WDR93: variants seen among roughly 807,000 people sequenced by gnomAD.
The protein encoded by WDR93 is WD repeat-containing protein 93.
WDR93 carries 73 observed loss-of-function variants against 82.9 expected under a neutral mutation model. The observed-to-expected ratio is 0.88, with a 90% CI of 0.73 to 1.07. The LOEUF is 1.07. Among genes scored for constraint, WDR93 ranks in the 50% least tolerant of loss-of-function variants. The pLI is 0.00. For missense variants in WDR93, 738 were observed against 826.0 expected, an observed-to-expected ratio of 0.89 and a Z score of 1.31; for synonymous variants, 283 against 300.1, an observed-to-expected ratio of 0.94 and a Z score of 0.59.
chr15:89,726,734 A>G (rs1183415523), intron 8 of WDR93, among the ~76,000 whole-genome samples: 2 of 152,158 alleles, frequency 1.3e-5, no homozygotes, highest in Non-Finnish European at 2.9e-5. Context: ...GAGACTGCCT[A>G]ATTATGTGAG....
chr15:89,698,861 C>A (rs1965314551), intron 1 of WDR93, among the ~76,000 whole-genome samples: 2 of 151,754 alleles, frequency 1.3e-5, no homozygotes. Context: ...ATGTAAATTT[C>A]TATTTCCACC....
In WDR93 at chr15:89,722,059, C is replaced by A; in HGVS notation, c.800C>A (p.Ala267Glu). ...TATGCCTTTTCCTTGTTTTAGGATG[C>A]AAATGTTAGTTTTAAAGGAGACATT... Reference protein sequence around the residue: ...PISADPLEMDANVSFKGDIKL... With the variant: ...PISADPLEMDENVSFKGDIKL... The change falls in exon 8 of 17, where the codon GCA becomes GAA. Residue 267 changes from alanine (A) to glutamate (E), a missense_variant. Physicochemically the swap from Ala to Glu is moderately radical, Grantham distance 107 (BLOSUM62 -1). Coordinates refer to ENST00000268130, the MANE Select transcript of WDR93 (RefSeq NM_020212.2). 6.3e-7 allele frequency: 1 copy of A among 1,598,910 alleles called. No individual in the cohort carries two copies. Among genetic ancestry groups the A allele is most frequent in the Non-Finnish European group, 8.5e-7 (1 of 1,171,100 alleles).
At position 89,721,850 on chromosome 15, in the gene WDR93, T is replaced by C. The variant is rs568566988; in HGVS notation, c.796-205T>C. Among the ~76,000 whole-genome samples the C allele has an allele frequency of 1.8e-4, 27 of 152,352 alleles. No individual in the cohort carries two copies. The South Asian group carries it at 5.6e-3, about 32-fold the overall frequency. ...CTTTTCACTGGGGTTATTTAGACCA[T>C]ATACATTTAATGTGATTATTTATAT... On this transcript the variant is annotated intron_variant, in intron 7 of 16. Transcript: ENST00000268130.
chr15:89,692,464 G>A (rs965920002), intron 1 of WDR93, among the ~76,000 whole-genome samples: 1 of 152,158 alleles, frequency 6.6e-6, no homozygotes, highest in Non-Finnish European at 1.5e-5. Context: ...TTGAGTCCTG[G>A]CCATATACCA....
chr15:89,717,489 G>A (rs376841313), intron 7 of WDR93, among the ~76,000 whole-genome samples: 3 of 152,178 alleles, frequency 2.0e-5, no homozygotes, highest in African/African-American at 2.4e-5. Flanking sequence ...ATGACCTCCC[G>A]TCCCTGAGGA....
chr15:89,731,431 C>T lies in WDR93; in HGVS notation c.1211-12C>T, dbSNP rs780443460. ...TCTGGGGGAACCGGTTGAGTATTGT[C>T]CTTCCCCCTAGACCCCGAGGGTGTG... On this transcript the variant is annotated splice_polypyrimidine_tract_variant and intron_variant, in intron 11 of 16. Transcript: ENST00000268130. The T allele has an allele frequency of 1.2e-6, 2 of 1,613,834 alleles. No homozygotes were observed. The highest frequency in any genetic ancestry group is 1.7e-6 in the Non-Finnish European group (2 of 1,179,894).
intron 1 of WDR93, among the ~76,000 whole-genome samples, chr15:89,694,391 T>G (rs1404427599): frequency 6.6e-6 from 1 of 151,878 alleles, no homozygotes; most frequent in Non-Finnish European, 1.5e-5. Flanking sequence ...CCCACCGCCA[T>G]GCCCAGCTAA....
At chr15:89,717,068 G>C in intron 7 of WDR93, 119 bp downstream of exon 7, 1 of 290,892 alleles carries the variant, frequency 3.4e-6, no homozygotes, top group East Asian at 5.7e-5. Context: ...TTTTTTTTTT[G>C]AGACAGAGTT....
At chr15:89,715,976 C>T (rs1426215615) in intron 6 of WDR93, among the ~76,000 whole-genome samples, 1 of 152,106 alleles carries the variant, frequency 6.6e-6, no homozygotes, top group Non-Finnish European at 1.5e-5. Context: ...TACTTTTAAA[C>T]CACCAACATT....
At position 89,743,608 on chromosome 15, in the gene WDR93, C is replaced by T; in HGVS notation, c.*217C>T. 1 of 578,252 alleles carries T rather than the reference C, an allele frequency of 1.7e-6. No individual in the cohort carries two copies. Among genetic ancestry groups the T allele is most frequent in the Non-Finnish European group, 3.1e-6 (1 of 324,456 alleles). 35.8% of individuals were successfully genotyped at this position (578,252 alleles called of 1,614,324 possible). On this transcript the variant is annotated 3_prime_UTR_variant, in exon 17 of 17. Coordinates refer to ENST00000268130, the MANE Select transcript of WDR93 (RefSeq NM_020212.2). ...AGAGCCCTCAGGCAGGCAGATGTGT[C>T]ACCCAAATAAACAGTGATATTGTCT...
At chr15:89,715,134 C>T (rs769553504) in intron 6 of WDR93, 39 bp downstream of exon 6, 25 of 1,574,864 alleles carry the variant, frequency 1.6e-5, no homozygotes, top group Middle Eastern at 3.3e-4. Flanking sequence ...ATGTTTCTCC[C>T]TACCCCTGAC....
intron 1 of WDR93, among the ~76,000 whole-genome samples, chr15:89,695,062 C>T (rs1343047400): frequency 6.6e-6 from 1 of 152,080 alleles, no homozygotes; most frequent in Non-Finnish European, 1.5e-5. Flanking sequence ...ACCAATACCA[C>T]ACTGTCTTGA....
Position 89,731,554 on chromosome 15 carries a change from T to C in WDR93, c.1322T>C (p.Leu441Pro), listed in dbSNP as rs758458600. Residue 441 changes from leucine (L) to proline (P), a missense_variant, in exon 12 of 17, where the codon CTG becomes CCG. Physicochemically the swap from Leu to Pro is moderately conservative, Grantham distance 98 (BLOSUM62 -3). Coordinates refer to ENST00000268130, the MANE Select transcript of WDR93 (RefSeq NM_020212.2). Reference sequence around the variant, plus strand: ...GATGGTGTGCTCACGCTGTGGGACCTGGCCAAAGGTAAGTCCTCCCTGCCT... The same window carrying C: ...GATGGTGTGCTCACGCTGTGGGACCCGGCCAAAGGTAAGTCCTCCCTGCCT... The part of the protein sequence containing the change: ...CEDGVLTLWD[L>P]AKGFPLGVAA... 2.5e-6 allele frequency: 4 copies of C among 1,614,106 alleles called. 1 individual carries two copies. Among genetic ancestry groups the C allele is most frequent in the Non-Finnish European group, 8.5e-7 (1 of 1,179,994 alleles).
At chr15:89,736,240 C>A (rs1207539743) in intron 14 of WDR93, among the ~76,000 whole-genome samples, 1 of 152,182 alleles carries the variant, frequency 6.6e-6, no homozygotes, top group African/African-American at 2.4e-5. Flanking sequence ...GAAGCGTGCG[C>A]GGTTGATCCT....
rs954687026 is a variant in WDR93, at chr15:89,690,873, C to T, written c.-41+16C>T. ...GCCCGGCCAGGTGAGCAAAACTGAT[C>T]TTACCTTTGGATGCCGGGGCTCCCC... On this transcript the variant is annotated intron_variant, in intron 1 of 16. Transcript: ENST00000268130. 1.6e-5 allele frequency: 8 copies of T among 504,910 alleles called. No individual in the cohort carries two copies. In the African/African-American group the frequency reaches 1.6e-4, roughly 10 times the overall value. 31.3% of individuals were successfully genotyped at this position (504,910 alleles called of 1,614,324 possible).
chr15:89,727,741 C>T (rs1966793605), intron 9 of WDR93, among the ~76,000 whole-genome samples: 1 of 152,088 alleles, frequency 6.6e-6, no homozygotes, highest in African/African-American at 2.4e-5. Context: ...TTATACATGA[C>T]AGCTCTAAAA....
rs1966178344 is a variant in WDR93, at chr15:89,714,977, C to T, written c.641-3C>T. On this transcript the variant is annotated splice_region_variant and splice_polypyrimidine_tract_variant and intron_variant, in intron 5 of 16. Coordinates refer to ENST00000268130, the MANE Select transcript of WDR93 (RefSeq NM_020212.2). ...TCAATGGTTCTCTGGTTTCCCAATG[C>T]AGGAGCCGGAGATATTTGGCTGGAT... The T allele has an allele frequency of 6.2e-7, 1 of 1,611,644 alleles. No homozygotes were observed. Among genetic ancestry groups the T allele is most frequent in the African/African-American group, 1.3e-5 (1 of 74,886 alleles).
At chr15:89,731,987 G>A (rs74430936) in intron 12 of WDR93, among the ~76,000 whole-genome samples, 2,548 of 152,266 alleles carry the variant, frequency 0.017, 87 homozygotes, top group African/African-American at 0.058. Flanking sequence ...AAACTCTATT[G>A]TATTAGAGCT....
In WDR93 at chr15:89,706,841, A is replaced by T. The variant is rs141439903; in HGVS notation, c.561+1223A>T. On this transcript the variant is annotated intron_variant, in intron 4 of 16. Coordinates refer to ENST00000268130, the MANE Select transcript of WDR93 (RefSeq NM_020212.2). ...ATACCTGTATGTAAAACCTAAAACT[A>T]TAAAACTTCTAGGCTGAAACATAGG... Among the ~76,000 whole-genome samples the T allele has an allele frequency of 5.0e-3, 765 of 152,340 alleles. 8 individuals are homozygous for T. Among genetic ancestry groups the T allele is most frequent in the African/African-American group, 0.017 (720 of 41,588 alleles).
Sources: gnomAD v4.1 joint callset for allele counts (sites outside exome capture counted in the v4.1 genomes callset) on GRCh38, gnomAD v4.1.1 for gene constraint, MANE v1.5 for transcripts, NCBI Gene and HGNC (gene_info 2026-07-23, HGNC 2026-07-21) for gene names.